The following ZNF708 variants were observed in gnomAD, a reference collection of about 807,000 sequenced individuals.
ZNF708 encodes ZNF15, ZNF15L1.
A neutral mutation model predicts 47.0 loss-of-function variants in ZNF708; 44 were observed. That is an observed-to-expected ratio of 0.94 (90% confidence interval 0.74 to 1.20). ZNF708 has a LOEUF of 1.20. Among genes scored for constraint, ZNF708 ranks in the 50% most tolerant of loss-of-function variants. The probability of loss-of-function intolerance (pLI) is 0.00; values close to 1 mark genes in which losing one functional copy is unlikely to be tolerated. For missense variants in ZNF708, 557 were observed against 656.0 expected (o/e 0.85, Z 1.65); for synonymous variants, 184 against 218.5 (o/e 0.84, Z 1.39).
chr19:21,292,331 T>C lies in ZNF708; in HGVS notation c.*943A>G, dbSNP rs184676776. On this transcript the variant is annotated 3_prime_UTR_variant, in exon 4 of 4. Transcript: ENST00000356929. ...AGGCGTGAGCCACCATGCCCGGCCC[T>C]ACCTTAGATATTTCCACTGTGAATT... 1.6e-4 allele frequency: 24 copies of C among 152,378 alleles called. No homozygotes were observed. Among genetic ancestry groups the C allele is most frequent in the African/African-American group, 5.8e-4 (24 of 41,580 alleles). 9.4% of individuals were successfully genotyped at this position (152,378 alleles called of 1,614,324 possible). A position where few individuals can be genotyped will look rare whatever the true frequency, so the allele number is the denominator to read the frequency against.
intron 1 of ZNF708, among the ~76,000 whole-genome samples, chr19:21,319,615 T>G (rs1380869950): frequency 2.0e-5 from 3 of 152,106 alleles, no homozygotes; most frequent in Non-Finnish European, 4.4e-5. Flanking sequence ...CACGCCCAGC[T>G]AATTTTGTAT....
At position 21,310,610 on chromosome 19, in the gene ZNF708, C is replaced by G; in HGVS notation, c.21G>C (p.Met7Ile). Residue 7 changes from methionine (M) to isoleucine (I), a missense_variant, in exon 2 of 4, where the codon ATG becomes ATC. Physicochemically the swap from Met to Ile is conservative, Grantham distance 10. Transcript: ENST00000356929. ...CCAGAGAGAATTCTATGGCCACATCCATAAATGTCAATGGTCCCTGAAAAA... is the reference window on the plus strand; with the variant it reads ...CCAGAGAGAATTCTATGGCCACATCGATAAATGTCAATGGTCCCTGAAAAA... MGPLTF[M>I]DVAIEFSLEE... is the part of the protein sequence containing the mutation. 1 of 1,539,768 alleles carries G rather than the reference C, an allele frequency of 6.5e-7. No individual in the cohort carries two copies. The highest frequency in any genetic ancestry group is 8.8e-7 in the Non-Finnish European group (1 of 1,142,558).
chr19:21,319,680 A>C (rs1415843589), intron 1 of ZNF708, among the ~76,000 whole-genome samples: 1 of 152,162 alleles, frequency 6.6e-6, no homozygotes. Context: ...AACAAGACAT[A>C]CATGTGGCTA....
At chr19:21,300,606 G>A (rs1227604788) in intron 3 of ZNF708, among the ~76,000 whole-genome samples, 1 of 151,532 alleles carries the variant, frequency 6.6e-6, no homozygotes, top group Admixed American at 6.6e-5. Flanking sequence ...AATTTTGCTT[G>A]ACATTGTCTT....
intron 2 of ZNF708, among the ~76,000 whole-genome samples, chr19:21,309,644 G>T (rs1484604682): frequency 1.3e-5 from 2 of 152,106 alleles, no homozygotes; most frequent in Non-Finnish European, 2.9e-5. Context: ...GGAGGCAAAG[G>T]TTGCAGTGAG....
intron 1 of ZNF708, among the ~76,000 whole-genome samples, chr19:21,313,924 T>C (rs1972954135): frequency 6.6e-6 from 1 of 152,198 alleles, no homozygotes; most frequent in Non-Finnish European, 1.5e-5. Context: ...AACAAGTTCC[T>C]AAATGGAATG....
At chr19:21,319,894 G>A (rs995549594) in intron 1 of ZNF708, among the ~76,000 whole-genome samples, 11 of 152,090 alleles carry the variant, frequency 7.2e-5, no homozygotes, top group Non-Finnish European at 1.3e-4. Flanking sequence ...GCAGTGTGGC[G>A]GCCAGACTTA....
chr19:21,311,736 C>T (rs1293002445), intron 1 of ZNF708, among the ~76,000 whole-genome samples: 1 of 152,002 alleles, frequency 6.6e-6, no homozygotes, highest in Non-Finnish European at 1.5e-5. Context: ...AGAAGAGATG[C>T]GGGAAAAACA....
At chr19:21,316,062 CT>C (rs1183355661) in intron 1 of ZNF708, among the ~76,000 whole-genome samples, 1 of 53,588 alleles carries the variant, frequency 1.9e-5, no homozygotes, top group African/African-American at 8.1e-5. Context: ...AGAGTGAAAC[CT>C]GTCTCAAAAA....
rs1439082219 is a variant in ZNF708, at chr19:21,291,275, TTACTC to T, written c.*1994_*1998del. The stretch of plus-strand genomic sequence containing the variant: ...GTTCTTACTATAATGCAAAAGAATA[TTACTC>T]TAAACACCTACCTCATGCACCACTC... On this transcript the variant is annotated 3_prime_UTR_variant, in exon 4 of 4. Transcript: ENST00000356929. 2.6e-5 allele frequency: 4 copies of T among 152,166 alleles called. No individual in the cohort carries two copies. Among genetic ancestry groups the T allele is most frequent in the African/African-American group, 4.8e-5 (2 of 41,430 alleles). 9.4% of individuals were successfully genotyped at this position (152,166 alleles called of 1,614,324 possible).
chr19:21,329,083 A>G (rs1025306655), intron 1 of ZNF708, 127 bp downstream of exon 1: 20 of 1,404,672 alleles, frequency 1.4e-5, no homozygotes, highest in Non-Finnish European at 1.7e-5. Flanking sequence ...AGGCCGAGCT[A>G]GGCAAGGAGA....
chr19:21,326,351 G>A (rs62107532), intron 1 of ZNF708, among the ~76,000 whole-genome samples: 23,760 of 151,930 alleles, frequency 0.16, 2,169 homozygotes, highest in Non-Finnish European at 0.21. Context: ...AAGAAACTGT[G>A]GTATATATAT....
chr19:21,327,490 C>T (rs1255611085), intron 1 of ZNF708, among the ~76,000 whole-genome samples: 1 of 150,834 alleles, frequency 6.6e-6, no homozygotes, highest in Non-Finnish European at 1.5e-5. Flanking sequence ...CGAGATCGTG[C>T]CATTGCACTC....
intron 1 of ZNF708, among the ~76,000 whole-genome samples, chr19:21,316,727 G>GGT (rs1973020979): frequency 6.6e-6 from 1 of 152,012 alleles, no homozygotes; most frequent in Non-Finnish European, 1.5e-5. Flanking sequence ...GGCTGAGATG[G>GGT]GTGGATCATG....
At position 21,292,724 on chromosome 19, in the gene ZNF708, C is replaced by T. The variant is rs972314934; in HGVS notation, c.*550G>A. The T allele has an allele frequency of 6.6e-6, 1 of 152,522 alleles. No homozygotes were observed. The highest frequency in any genetic ancestry group is 1.5e-5 in the Non-Finnish European group (1 of 68,340). The allele number at this position is 152,522 out of a possible 1,614,324, so 9.4% of individuals were successfully genotyped here. ...AAATTTATAATACTTTTTTTAAGTA[C>T]TCTCTGATGTTGAGTAAGATGTGAG... On this transcript the variant is annotated 3_prime_UTR_variant, in exon 4 of 4. Coordinates refer to ENST00000356929, the MANE Select transcript of ZNF708 (RefSeq NM_021269.3).
Position 21,297,960 on chromosome 19 carries a change from A to AGTGTGT in ZNF708, c.227-3227_227-3222dup, listed in dbSNP as rs66590988. Among the ~76,000 whole-genome samples the AGTGTGT allele has an allele frequency of 3.8e-3, 564 of 149,950 alleles. 2 individuals are homozygous for AGTGTGT. The highest frequency in any genetic ancestry group is 0.012 in the African/African-American group (479 of 40,958). On this transcript the variant is annotated intron_variant, in intron 3 of 3. Transcript: ENST00000356929. ...TTTCATTTACTGGGAACAAATGACT[A>AGTGTGT]GTGTGTGTGTGTGTGTGTGTGTGTG...
chr19:21,307,143 TAAA>T (rs1972796560), intron 3 of ZNF708, among the ~76,000 whole-genome samples: 45 of 132,798 alleles, frequency 3.4e-4, no homozygotes, highest in African/African-American at 1.1e-3. Context: ...TAAAATAAAA[TAAA>T]ATAAAATATA....
intron 3 of ZNF708, among the ~76,000 whole-genome samples, chr19:21,307,187 A>C (rs1278252307): frequency 6.7e-6 from 1 of 149,472 alleles, no homozygotes; most frequent in East Asian, 1.9e-4. Flanking sequence ...AAATACAATA[A>C]AATACAATAG....
chr19:21,300,489 AG>A (rs1972635412), intron 3 of ZNF708, among the ~76,000 whole-genome samples: 1 of 151,222 alleles, frequency 6.6e-6, no homozygotes, highest in African/African-American at 2.4e-5. Flanking sequence ...CTGGACAACA[AG>A]AACGAAACTC....
Sources: allele counts gnomAD v4.1 joint callset (sites outside exome capture counted in the v4.1 genomes callset), GRCh38; gene constraint gnomAD v4.1.1; transcripts MANE v1.5; gene names NCBI Gene and HGNC (gene_info 2026-07-23, HGNC 2026-07-21).